Variants in NKAIN3 observed in about 807,000 individuals in gnomAD.
The protein encoded by NKAIN3 is sodium/potassium transporting ATPase interacting 3.
In NKAIN3, 25 loss-of-function variants were observed where a neutral mutation model predicts 30.2. The ratio of observed to expected loss-of-function variants is 0.83; its 90% CI spans 0.60 to 1.16. The LOEUF is 1.16. NKAIN3 is among the 50% of genes most tolerant of loss of function. NKAIN3 has a pLI of 0.00. For missense variants in NKAIN3, 225 were observed against 254.1 expected, an observed-to-expected ratio of 0.89 and a Z score of 0.78; for synonymous variants, 91 against 89.6, an observed-to-expected ratio of 1.02 and a Z score of -0.09.
At chr8:62,364,826 T>TAAAAAAA (rs1816682754) in intron 1 of NKAIN3, among the ~76,000 whole-genome samples, 1 of 3,826 alleles carries the variant, frequency 2.6e-4, no homozygotes, top group South Asian at 4.3e-3. Flanking sequence ...GAGACTCCAC[T>TAAAAAAA]ACAAAAAAAA....
chr8:62,605,005 T>C (rs1013113799), intron 3 of NKAIN3, among the ~76,000 whole-genome samples: 42 of 152,038 alleles, frequency 2.8e-4, no homozygotes, highest in African/African-American at 1.0e-3. Context: ...TCTCTGTAGG[T>C]GTAGGTATGG....
At chr8:62,473,775 C>G (rs1458212411) in intron 1 of NKAIN3, among the ~76,000 whole-genome samples, 4 of 150,778 alleles carry the variant, frequency 2.7e-5, no homozygotes, top group Admixed American at 2.0e-4. Context: ...TTTTTACTTT[C>G]TTCCTGAGTC....
chr8:62,915,455 CAG>C, intron 4 of NKAIN3, among the ~76,000 whole-genome samples: 1 of 152,188 alleles, frequency 6.6e-6, no homozygotes, highest in African/African-American at 2.4e-5. Flanking sequence ...GGCAAGGAAA[CAG>C]AGTTTGCCAG....
chr8:62,984,259 A>T lies in NKAIN3; in HGVS notation c.*18852A>T, dbSNP rs1403173580. On this transcript the variant is annotated 3_prime_UTR_variant, in exon 7 of 7. Coordinates refer to ENST00000623646, the MANE Select transcript of NKAIN3 (RefSeq NM_001304533.3). ...TCTGCCATCTTATGGAAAATATTGG[A>T]AGTACCTAGGGCATTTCATTATATT... is the stretch of plus-strand genomic sequence containing the variant. 1 of 152,216 alleles carries T rather than the reference A, an allele frequency of 6.6e-6. No homozygotes were observed. Among genetic ancestry groups the T allele is most frequent in the African/African-American group, 2.4e-5 (1 of 41,460 alleles). The allele number at this position is 152,216 out of a possible 1,614,324, so 9.4% of individuals were successfully genotyped here. A position where few individuals can be genotyped will look rare whatever the true frequency, so the allele number is the denominator to read the frequency against.
At chr8:62,613,474 T>C (rs907587483) in intron 3 of NKAIN3, among the ~76,000 whole-genome samples, 2 of 152,056 alleles carry the variant, frequency 1.3e-5, no homozygotes, top group African/African-American at 4.8e-5. Context: ...TCTTTGGGAG[T>C]TTGATTATTA....
At chr8:62,738,512 T>C (rs150890142) in intron 3 of NKAIN3, among the ~76,000 whole-genome samples, 1 of 150,922 alleles carries the variant, frequency 6.6e-6, no homozygotes, top group East Asian at 2.0e-4. Flanking sequence ...GACAGGAGAA[T>C]TGCTTGGACC....
At position 62,281,773 on chromosome 8, in the gene NKAIN3, T is replaced by A. The variant is rs192919084; in HGVS notation, c.54+32646T>A. On this transcript the variant is annotated intron_variant, in intron 1 of 6. Transcript: ENST00000623646. Reference sequence around the variant, plus strand: ...ATTTATATGCATATATGTAAACTTATGCATGTTTGTCATCCAGATATATTA... The same window carrying A: ...ATTTATATGCATATATGTAAACTTAAGCATGTTTGTCATCCAGATATATTA... Among the ~76,000 whole-genome samples, 19 of 152,306 alleles carry A rather than the reference T, an allele frequency of 1.2e-4. No individual in the cohort carries two copies. In the East Asian group the frequency reaches 3.3e-3, roughly 26 times the overall value.
chr8:62,896,677 C>A (rs1243061068), intron 4 of NKAIN3, among the ~76,000 whole-genome samples: 3 of 152,140 alleles, frequency 2.0e-5, no homozygotes, highest in Non-Finnish European at 2.9e-5. Context: ...CTTCTAGGTG[C>A]TGGGGCCAGG....
At chr8:62,785,081 C>G (rs566304322) in intron 4 of NKAIN3, among the ~76,000 whole-genome samples, 8 of 152,262 alleles carry the variant, frequency 5.3e-5, no homozygotes, top group African/African-American at 1.9e-4. Context: ...TACAGAACTT[C>G]TGTGTAAACC....
chr8:62,646,359 A>G (rs1812460522), intron 3 of NKAIN3, among the ~76,000 whole-genome samples: 1 of 152,168 alleles, frequency 6.6e-6, no homozygotes, highest in Non-Finnish European at 1.5e-5. Context: ...AACAGAGCAG[A>G]GAGTTAGGTT....
intron 2 of NKAIN3, among the ~76,000 whole-genome samples, chr8:62,583,839 T>C (rs827687): frequency 0.2 from 30,949 of 152,156 alleles, 3,271 homozygotes; most frequent in East Asian, 0.31. Flanking sequence ...TGGGTATAAA[T>C]TATCTATTTG....
At chr8:62,993,740 G>A (rs1804035278) in intron 5 of NKAIN3, among the ~76,000 whole-genome samples, 1 of 152,084 alleles carries the variant, frequency 6.6e-6, no homozygotes, top group South Asian at 2.1e-4. Flanking sequence ...AAAGAGTCCT[G>A]GTAACTTTCT....
intron 5 of NKAIN3, among the ~76,000 whole-genome samples, chr8:62,949,425 C>T (rs911374965): frequency 6.6e-6 from 1 of 152,202 alleles, no homozygotes; most frequent in Non-Finnish European, 1.5e-5. Flanking sequence ...TAAAGTAGCT[C>T]TGTAATTCCT....
chr8:62,827,644 A>G (rs1416740400), intron 4 of NKAIN3, among the ~76,000 whole-genome samples: 2 of 152,196 alleles, frequency 1.3e-5, no homozygotes, highest in Non-Finnish European at 2.9e-5. Context: ...TATCACATGA[A>G]TATGGTAGAC....
Position 62,510,612 on chromosome 8 carries a change from G to C in NKAIN3, c.55-68927G>C, listed in dbSNP as rs534810151. On this transcript the variant is annotated intron_variant, in intron 1 of 6. Coordinates refer to ENST00000623646, the MANE Select transcript of NKAIN3 (RefSeq NM_001304533.3). ...AAGGAAAGATGAGAAAGAAGAGGAA[G>C]AGGAGGAAGAGGAAGGAGGAAGGAA... 2.0e-5 allele frequency among the ~76,000 whole-genome samples: 3 copies of C among 152,266 alleles called. No individual in the cohort carries two copies. The East Asian group carries it at 5.8e-4, about 29-fold the overall frequency.
In NKAIN3 at chr8:62,418,817, G is replaced by C. The variant is rs534873154; in HGVS notation, c.55-160722G>C. 5.9e-5 allele frequency among the ~76,000 whole-genome samples: 9 copies of C among 152,166 alleles called. No homozygotes were observed. In the South Asian group the frequency reaches 1.9e-3, roughly 32 times the overall value. ...CTGACTCTTTATGGTAATCATGGAG[G>C]TTAGCCTCCTCTAGTACTGCAACCG... On this transcript the variant is annotated intron_variant, in intron 1 of 6. Transcript: ENST00000623646.
chr8:62,945,260 T>C (rs4382471), intron 5 of NKAIN3, among the ~76,000 whole-genome samples: 120,002 of 152,132 alleles, frequency 0.79, 48,338 homozygotes, highest in East Asian at 0.98. Context: ...AGAAGGTTGA[T>C]CTGTAGATAA....
chr8:62,572,406 T>G (rs1417055869), intron 1 of NKAIN3, among the ~76,000 whole-genome samples: 2 of 152,220 alleles, frequency 1.3e-5, no homozygotes, highest in Non-Finnish European at 2.9e-5. Flanking sequence ...CAAACTTTCC[T>G]ACATCTTTCT....
chr8:62,448,953 G>GA lies in NKAIN3; in HGVS notation c.55-130580dup, dbSNP rs1446836431. Among the ~76,000 whole-genome samples the GA allele has an allele frequency of 6.6e-5, 10 of 151,924 alleles. No homozygotes were observed. In the South Asian group the frequency reaches 1.7e-3, roughly 25 times the overall value. ...TTGTCTTATCCAATGTCTATTGAAG[G>GA]AAAAAATGTTATTTTAGGATTTCCA... On this transcript the variant is annotated intron_variant, in intron 1 of 6. Coordinates refer to ENST00000623646, the MANE Select transcript of NKAIN3 (RefSeq NM_001304533.3).
Sources: gnomAD v4.1 joint callset for allele counts (sites outside exome capture counted in the v4.1 genomes callset) on GRCh38, gnomAD v4.1.1 for gene constraint, MANE v1.5 for transcripts, NCBI Gene and HGNC (gene_info 2026-07-23, HGNC 2026-07-21) for gene names.